MACROH2A1: variants seen among roughly 807,000 people sequenced by gnomAD.
MACROH2A1 encodes the protein macroH2A.1 histone.
MACROH2A1 carries 2 observed loss-of-function variants against 31.6 expected under a neutral mutation model. The ratio of observed to expected loss-of-function variants is 0.06; its 90% confidence interval spans 0.03 to 0.20. The LOEUF (loss-of-function observed/expected upper bound fraction) is 0.20. Ranked by LOEUF, MACROH2A1 falls within the 10% of genes least tolerant of loss-of-function variation. MACROH2A1 has a pLI of 1.00. For missense variants in MACROH2A1, 230 were observed against 474.0 expected (o/e 0.49, Z 4.78); for synonymous variants, 169 against 189.6 (o/e 0.89, Z 0.89).
chr5:135,351,229 A>C, intron 6 of MACROH2A1: 1 of 194,768 alleles, frequency 5.1e-6, no homozygotes, highest in Non-Finnish European at 1.0e-5. Context: ...AAAGCCTATA[A>C]AGCTGGCATC....
At chr5:135,374,362 C>T (rs374877929) in intron 2 of MACROH2A1, among the ~76,000 whole-genome samples, 13 of 152,278 alleles carry the variant, frequency 8.5e-5, no homozygotes, top group East Asian at 3.9e-4. Context: ...TGGGACAGGG[C>T]ACACGTCACC....
chr5:135,371,218 G>A (rs1461290085), intron 2 of MACROH2A1, among the ~76,000 whole-genome samples: 2 of 152,148 alleles, frequency 1.3e-5, no homozygotes, highest in East Asian at 1.9e-4. Flanking sequence ...TGGGGTCGGG[G>A]CGAATGTTGG....
chr5:135,351,694 C>G (rs1761591771), intron 6 of MACROH2A1: 1 of 151,400 alleles, frequency 6.6e-6, no homozygotes, highest in Non-Finnish European at 1.5e-5. Flanking sequence ...TCCTGAGTAG[C>G]TGAGACTACA....
chr5:135,390,162 C>A (rs1251828888), intron 1 of MACROH2A1, among the ~76,000 whole-genome samples: 2 of 152,228 alleles, frequency 1.3e-5, no homozygotes, highest in African/African-American at 4.8e-5. Context: ...AGTAGCTGTT[C>A]CCTTTGGCTG....
In MACROH2A1 at chr5:135,346,011, G is replaced by A. The variant is rs1232277970; in HGVS notation, c.735C>T (p.Val245=). ...KKGGKEFVEA[V]LELRKKNGPL... ...GCCCGTTCTTTTTCCGGAGTTCCAG[G>A]ACAGCTTCCACAAACTCCTTGCCAC... Residue 245 remains valine (V), a synonymous_variant, in exon 7 of 9, where the codon GTC becomes GTT. Coordinates refer to ENST00000511689, the MANE Select transcript of MACROH2A1 (RefSeq NM_138610.3). 6.2e-7 allele frequency: 1 copy of A among 1,614,016 alleles called. No individual in the cohort carries two copies. The highest frequency in any genetic ancestry group is 1.1e-5 in the South Asian group (1 of 91,078).
chr5:135,337,547 T>C (rs79664400), intron 8 of MACROH2A1, among the ~76,000 whole-genome samples: 8,044 of 152,366 alleles, frequency 0.053, 248 homozygotes, highest in South Asian at 0.074. Flanking sequence ...GAAATATTCT[T>C]TTCTATTCCT....
At chr5:135,363,755 G>C (rs1302100317) in intron 4 of MACROH2A1, among the ~76,000 whole-genome samples, 2 of 152,188 alleles carry the variant, frequency 1.3e-5, no homozygotes, top group African/African-American at 4.8e-5. Flanking sequence ...TCGCCACACT[G>C]TCTTCCACAA....
At chr5:135,390,453 TG>T (rs1767063927) in intron 1 of MACROH2A1, among the ~76,000 whole-genome samples, 1 of 152,176 alleles carries the variant, frequency 6.6e-6, no homozygotes, top group Admixed American at 6.5e-5. Context: ...GTGGAACTGG[TG>T]GGGAAAAAGA....
rs1245776475 is a variant in MACROH2A1 at position 135,359,107 on chromosome 5, G to A, written c.588+1390C>T. On this transcript the variant is annotated intron_variant, in intron 5 of 8. Coordinates refer to ENST00000511689, the MANE Select transcript of MACROH2A1 (RefSeq NM_138610.3). ...TATTTTAGTTCATCCAGCAAGGGAG[G>A]TATGAGGAATTCTGATCTGAGGCTG... The A allele has an allele frequency of 1.1e-5, 11 of 985,228 alleles. No individual in the cohort carries two copies. In the East Asian group the frequency reaches 9.1e-4, roughly 81 times the overall value. The allele number at this position is 985,228 out of a possible 1,614,324, so 61.0% of individuals were successfully genotyped here.
chr5:135,395,765 T>C (rs1236006815), intron 1 of MACROH2A1, among the ~76,000 whole-genome samples: 1 of 152,184 alleles, frequency 6.6e-6, no homozygotes, highest in African/African-American at 2.4e-5. Context: ...TCTAGTATTC[T>C]AGCCAATCAG....
chr5:135,366,234 A>G lies in MACROH2A1; in HGVS notation c.477+3172T>C, dbSNP rs533982531. On this transcript the variant is annotated intron_variant, in intron 4 of 8. Coordinates refer to ENST00000511689, the MANE Select transcript of MACROH2A1 (RefSeq NM_138610.3). The stretch of plus-strand genomic sequence containing the variant: ...TTGGGCCTTTCTTCACAGCAGCGTA[A>G]GAATGGACTAATTCAGCTGGCTACA... 1.5e-3 allele frequency among the ~76,000 whole-genome samples: 229 copies of G among 152,312 alleles called. 1 individual carries two copies. Among genetic ancestry groups the G allele is most frequent in the African/African-American group, 5.4e-3 (223 of 41,562 alleles).
In MACROH2A1 at chr5:135,343,273, T is replaced by C. The variant is rs762100863; in HGVS notation, c.940A>G (p.Ile314Val). 108 of 1,614,014 alleles carry C rather than the reference T, an allele frequency of 6.7e-5. No individual in the cohort carries two copies. Among genetic ancestry groups the C allele is most frequent in the Non-Finnish European group, 7.6e-5 (90 of 1,180,034 alleles). The change falls in exon 8 of 9, where the codon ATC becomes GTC. Residue 314 changes from isoleucine (I) to valine (V), a missense_variant. Physicochemically the swap from Ile to Val is conservative, Grantham distance 29. This residue lies in a region of MACROH2A1 where 183 missense variants were observed against 319.3 expected (regional missense o/e 0.57). Coordinates refer to ENST00000511689, the MANE Select transcript of MACROH2A1 (RefSeq NM_138610.3). The stretch of plus-strand genomic sequence containing the variant: ...ATGTGCCCCTACCTGCCGCTGCCGA[T>C]GGATGGAAATGCAATGGATTTCAGC... ...KKLKSIAFPS[I>V]GSGRNGFPKQ...
intron 1 of MACROH2A1, among the ~76,000 whole-genome samples, chr5:135,390,903 C>T (rs1159895507): frequency 6.6e-6 from 1 of 152,090 alleles, no homozygotes; most frequent in Admixed American, 6.5e-5. Flanking sequence ...TGTAGACAGG[C>T]CCAACAGAGG....
In MACROH2A1 at chr5:135,379,810, T is replaced by C. The variant is rs1033883508; in HGVS notation, c.172+9112A>G. Among the ~76,000 whole-genome samples the C allele has an allele frequency of 4.6e-5, 7 of 152,300 alleles. No homozygotes were observed. In the East Asian group the frequency reaches 1.2e-3, roughly 25 times the overall value. On this transcript the variant is annotated intron_variant, in intron 2 of 8. Transcript: ENST00000511689. ...CATCCACGGAGGACACCTGGGATGC[T>C]GGGTCCCACTCCTGGGACACTGCTA...
chr5:135,358,131 T>G lies in MACROH2A1; in HGVS notation c.588+2366A>C, dbSNP rs143341914. 4.0e-4 allele frequency: 395 copies of G among 984,862 alleles called. 2 individuals carry two copies. The African/African-American group carries it at 6.4e-3, about 16-fold the overall frequency. 61.0% of individuals were successfully genotyped at this position (984,862 alleles called of 1,614,324 possible). On this transcript the variant is annotated intron_variant, in intron 5 of 8. Transcript: ENST00000511689. ...CTTTTTGTAAAAACTGTGTGTTAGTTTCATGATTTTTGCCTTTTTTACACT... is the reference window on the plus strand; with the variant it reads ...CTTTTTGTAAAAACTGTGTGTTAGTGTCATGATTTTTGCCTTTTTTACACT...
At chr5:135,365,815 CACAA>C (rs1272749825) in intron 4 of MACROH2A1, among the ~76,000 whole-genome samples, 4 of 152,120 alleles carry the variant, frequency 2.6e-5, no homozygotes, top group Admixed American at 6.5e-5. Flanking sequence ...GACAGAGATC[CACAA>C]ACAATGACAG....
chr5:135,382,092 C>T (rs894582436), intron 2 of MACROH2A1, among the ~76,000 whole-genome samples: 1 of 152,220 alleles, frequency 6.6e-6, no homozygotes, highest in Non-Finnish European at 1.5e-5. Context: ...GTTTTGGTCA[C>T]ACCTTTTTCC....
intron 8 of MACROH2A1, among the ~76,000 whole-genome samples, chr5:135,342,818 A>G (rs1419709404): frequency 6.6e-6 from 1 of 152,198 alleles, no homozygotes; most frequent in Non-Finnish European, 1.5e-5. Context: ...TAGAAAGGAA[A>G]GGGGCAGAGG....
At chr5:135,392,101 C>T (rs1767327232) in intron 1 of MACROH2A1, among the ~76,000 whole-genome samples, 1 of 152,190 alleles carries the variant, frequency 6.6e-6, no homozygotes, top group Admixed American at 6.5e-5. Flanking sequence ...GCCTGGAATG[C>T]CCTTTGTCCT....
Sources: allele counts gnomAD v4.1 joint callset (sites outside exome capture counted in the v4.1 genomes callset), GRCh38; gene constraint gnomAD v4.1.1; regional missense constraint gnomAD v4.1.1; transcripts MANE v1.5; gene names NCBI Gene and HGNC (gene_info 2026-07-23, HGNC 2026-07-21).